SPRY3: variants seen among roughly 807,000 people sequenced by gnomAD.
SPRY3 encodes sprouty RTK signaling antagonist 3.
Under a neutral mutation model 20.2 loss-of-function variants are expected in SPRY3, and 15 were observed. That is an observed-to-expected ratio of 0.74 (90% CI 0.50 to 1.14). SPRY3 has a LOEUF of 1.14. Ranked by LOEUF, SPRY3 falls within the 50% of genes most tolerant of loss-of-function variation. SPRY3 has a pLI of 0.00. For missense variants in SPRY3, 364 were observed against 363.9 expected (o/e 1.00, Z 0.00); for synonymous variants, 143 against 136.5 (o/e 1.05, Z -0.33).
At chrX:155,622,469 C>T (rs1407013715) in intron 1 of SPRY3, among the ~76,000 whole-genome samples, 9 of 111,631 alleles carry the variant, frequency 8.1e-5, no homozygotes, top group Admixed American at 7.6e-4. Flanking sequence ...CCAACCCCAC[C>T]TTCATTCTGT....
intron 2 of SPRY3, among the ~76,000 whole-genome samples, chrX:155,674,034 C>A (rs782176782): frequency 1.8e-5 from 2 of 112,054 alleles, no homozygotes; most frequent in South Asian, 3.7e-4. Flanking sequence ...CTAGTGACAA[C>A]TCTGACATTA....
chrX:155,668,637 CT>C (rs1209306257), intron 2 of SPRY3, among the ~76,000 whole-genome samples: 2 of 110,745 alleles, frequency 1.8e-5, no homozygotes, highest in African/African-American at 3.3e-5. Context: ...CTCCTAACTC[CT>C]TTGTTTTGAG....
At chrX:155,700,702 G>A (rs1297385511) in intron 2 of SPRY3, among the ~76,000 whole-genome samples, 7 of 68,967 alleles carry the variant, frequency 1.0e-4, no homozygotes, top group Non-Finnish European at 1.7e-4. Context: ...ATGCTGGTGC[G>A]CTGCACCCAC....
At chrX:155,630,448 G>A (rs999012166) in intron 1 of SPRY3, among the ~76,000 whole-genome samples, 3 of 111,635 alleles carry the variant, frequency 2.7e-5, no homozygotes, top group Non-Finnish European at 5.6e-5. Flanking sequence ...GTTTGTCTGA[G>A]AAAGTCTTTA....
At chrX:155,729,557 A>G (rs2124562415) in intron 2 of SPRY3, among the ~76,000 whole-genome samples, 1 of 152,234 alleles carries the variant, frequency 6.6e-6, no homozygotes, top group Admixed American at 6.5e-5. Context: ...GAGATACAGC[A>G]AAAGCACTAC....
rs778907179 is a variant in SPRY3 at position 155,774,254 on chromosome X, C to T, written c.383C>T (p.Ala128Val). Residue 128 changes from alanine (A) to valine (V), a missense_variant, in exon 4 of 4, where the codon GCT (alanine) becomes GTT (valine). Ala to Val is a moderately conservative substitution (Grantham distance 64, BLOSUM62 0). Transcript: ENST00000675360. ...GGGGTCCACCCAAAGGCTGATGGTG[C>T]TCTGAAGGGAGAAGCTGAGCAATCT... is the stretch of plus-strand genomic sequence containing the variant. 1.6e-5 allele frequency: 26 copies of T among 1,613,904 alleles called. No homozygotes were observed. The Admixed American group carries it at 2.8e-4, about 18-fold the overall frequency.
chrX:155,728,000 A>G (rs1309098278), intron 2 of SPRY3, among the ~76,000 whole-genome samples: 3 of 151,978 alleles, frequency 2.0e-5, no homozygotes, highest in Non-Finnish European at 4.4e-5. Flanking sequence ...CTTTTTGTTG[A>G]TGCTGATGTT....
chrX:155,755,068 G>GCA (rs764248627), intron 2 of SPRY3, among the ~76,000 whole-genome samples: 33 of 144,074 alleles, frequency 2.3e-4, no homozygotes, highest in African/African-American at 6.4e-4. Context: ...ACACGTGCGT[G>GCA]CACACACACA....
intron 2 of SPRY3, among the ~76,000 whole-genome samples, chrX:155,672,910 T>G (rs2068046542): frequency 9.4e-6 from 1 of 105,823 alleles, no homozygotes; most frequent in Admixed American, 1.0e-4. Context: ...TTCATGTCCT[T>G]TGTAGGGACA....
intron 2 of SPRY3, among the ~76,000 whole-genome samples, chrX:155,754,036 T>C (rs1458152637): frequency 1.3e-5 from 2 of 152,008 alleles, no homozygotes; most frequent in Non-Finnish European, 2.9e-5. Flanking sequence ...ATTCTGTGGG[T>C]TGCATTTTCA....
chrX:155,687,408 G>T (rs1436480483), intron 2 of SPRY3, among the ~76,000 whole-genome samples: 1 of 112,517 alleles, frequency 8.9e-6, no homozygotes, highest in Non-Finnish European at 1.9e-5. Context: ...ATTTCAATTA[G>T]AACTCATATT....
intron 1 of SPRY3, among the ~76,000 whole-genome samples, chrX:155,613,839 C>A (rs2067840645): frequency 9.0e-6 from 1 of 111,201 alleles, no homozygotes; most frequent in Admixed American, 9.5e-5. Flanking sequence ...CAATGGATCT[C>A]GTACAGGCCT....
chrX:155,620,009 A>G (rs1475349656), intron 1 of SPRY3, among the ~76,000 whole-genome samples: 1 of 111,974 alleles, frequency 8.9e-6, no homozygotes, highest in Non-Finnish European at 1.9e-5. Context: ...CACAAGCTAT[A>G]ACATTTAAAA....
chrX:155,713,238 T>A (rs2090999405), intron 2 of SPRY3, among the ~76,000 whole-genome samples: 1 of 152,100 alleles, frequency 6.6e-6, no homozygotes, highest in African/African-American at 2.4e-5. Flanking sequence ...AAGAGAAGCT[T>A]ACACACCACT....
intron 1 of SPRY3, among the ~76,000 whole-genome samples, chrX:155,618,388 G>GGTAT (rs200116321): frequency 0.025 from 2,819 of 111,120 alleles, 39 homozygotes; most frequent in South Asian, 0.042. Flanking sequence ...GGTGTTTCAT[G>GGTAT]GTATGTATGT....
intron 2 of SPRY3, among the ~76,000 whole-genome samples, chrX:155,708,220 TCTCA>T (rs1477296421): frequency 6.6e-6 from 1 of 151,376 alleles, no homozygotes; most frequent in Non-Finnish European, 1.5e-5. Context: ...CAGTGAATTT[TCTCA>T]CTCTTTGTTT....
chrX:155,687,256 A>G (rs1207588339), intron 2 of SPRY3, among the ~76,000 whole-genome samples: 2 of 112,639 alleles, frequency 1.8e-5, no homozygotes, highest in Non-Finnish European at 3.8e-5. Flanking sequence ...ACAAAACATC[A>G]TTTATAAATT....
intron 2 of SPRY3, among the ~76,000 whole-genome samples, chrX:155,716,270 G>C (rs926266714): frequency 6.6e-6 from 1 of 152,054 alleles, no homozygotes; most frequent in African/African-American, 2.4e-5. Context: ...CCCATTTACA[G>C]CAGTTTTTCT....
rs747757676 is a variant in SPRY3 at position 155,767,996 on chromosome X, T to G, written c.-247T>G. On this transcript the variant is annotated 5_prime_UTR_variant, in exon 3 of 4. Transcript: ENST00000675360. Reference sequence around the variant, plus strand: ...GAACTATCTCTGTTTCTGGCTCCACTGCCTGCCAGTGAAGGAGTTTTCATT... The same window carrying G: ...GAACTATCTCTGTTTCTGGCTCCACGGCCTGCCAGTGAAGGAGTTTTCATT... The G allele has an allele frequency of 3.3e-5, 5 of 152,130 alleles. No individual in the cohort carries two copies. The East Asian group carries it at 9.7e-4, about 30-fold the overall frequency. 9.4% of individuals were successfully genotyped at this position (152,130 alleles called of 1,614,324 possible). A position where few individuals can be genotyped will look rare whatever the true frequency, so the allele number is the denominator to read the frequency against.
Sources: gnomAD v4.1 joint callset for allele counts (sites outside exome capture counted in the v4.1 genomes callset) on GRCh38, gnomAD v4.1.1 for gene constraint, MANE v1.5 for transcripts, NCBI Gene and HGNC (gene_info 2026-07-23, HGNC 2026-07-21) for gene names.